Variants in STAM observed in about 807,000 individuals in gnomAD.
STAM encodes the protein signal transducing adapter molecule 1.
In STAM, 16 loss-of-function variants were observed where a neutral mutation model predicts 63.4. The observed-to-expected ratio is 0.25, with a 90% CI of 0.17 to 0.38. The LOEUF (loss-of-function observed/expected upper bound fraction) is 0.38. Ranked by LOEUF, STAM falls within the 10% of genes least tolerant of loss-of-function variation. The pLI is 1.00. For missense variants in STAM, 636 were observed against 657.1 expected (o/e 0.97, Z 0.35); for synonymous variants, 238 against 223.9 (o/e 1.06, Z -0.56).
intron 13 of STAM, among the ~76,000 whole-genome samples, chr10:17,713,351 C>T (rs1554830282): frequency 2.6e-5 from 4 of 152,192 alleles, no homozygotes; most frequent in Admixed American, 2.6e-4. Context: ...TATTTCTCCT[C>T]CGTACTTCCC....
chr10:17,714,117 T>G (rs1836689770), intron 13 of STAM, among the ~76,000 whole-genome samples: 1 of 152,182 alleles, frequency 6.6e-6, no homozygotes, highest in Admixed American at 6.5e-5. Context: ...CATCTTTGCT[T>G]AAGTATTGCC....
chr10:17,652,116 T>C (rs782143946), intron 1 of STAM, among the ~76,000 whole-genome samples: 6 of 152,250 alleles, frequency 3.9e-5, no homozygotes, highest in Non-Finnish European at 7.3e-5. Context: ...TTGAATTCTT[T>C]AGAAGCAAGT....
intron 2 of STAM, among the ~76,000 whole-genome samples, chr10:17,666,614 G>T (rs1200028107): frequency 6.6e-6 from 1 of 151,936 alleles, no homozygotes; most frequent in African/African-American, 2.4e-5. Flanking sequence ...AGCCAGGATG[G>T]TCTCGATATC....
In STAM at chr10:17,644,247, C is replaced by T; in HGVS notation, c.-93C>T. ...CCCTGTAGAGTCGGTCTCTGTTGCT[C>T]TTTTTGCCTGAGGAGTCTTCCATCC... On this transcript the variant is annotated 5_prime_UTR_variant, in exon 1 of 14. Transcript: ENST00000377524. The T allele has an allele frequency of 7.0e-7, 1 of 1,423,366 alleles. No individual in the cohort carries two copies. The highest frequency in any genetic ancestry group is 1.4e-5 in the African/African-American group (1 of 70,946). The allele number at this position is 1,423,366 out of a possible 1,614,324, so 88.2% of individuals were successfully genotyped here.
rs1415889885 is a variant in STAM, at chr10:17,664,564, G to A, written c.125+4016G>A. On this transcript the variant is annotated intron_variant, in intron 2 of 13. Transcript: ENST00000377524. ...TGTGATTGGATATGGGTTGCTGATG[G>A]TCGCATAAGAATGTTGAACAGTATT... Among the ~76,000 whole-genome samples the A allele has an allele frequency of 2.0e-5, 3 of 152,130 alleles. No homozygotes were observed. In the East Asian group the frequency reaches 5.8e-4, roughly 29 times the overall value.
At chr10:17,664,068 T>C (rs1185758714) in intron 2 of STAM, among the ~76,000 whole-genome samples, 3 of 150,072 alleles carry the variant, frequency 2.0e-5, no homozygotes, top group African/African-American at 7.4e-5. Context: ...TTTTTTCTTC[T>C]TGTTTTAAAA....
intron 8 of STAM, 63 bp from the exon 9 acceptor site, chr10:17,700,128 A>G: frequency 7.5e-7 from 1 of 1,337,070 alleles, no homozygotes; most frequent in South Asian, 1.4e-5. Flanking sequence ...TGGAAGTTAA[A>G]GTGCTTTAAA....
At chr10:17,704,191 C>G (rs1223031690) in intron 9 of STAM, among the ~76,000 whole-genome samples, 1 of 152,068 alleles carries the variant, frequency 6.6e-6, no homozygotes, top group African/African-American at 2.4e-5. Flanking sequence ...CTCCTGGGCT[C>G]AAGTGATTCT....
In STAM at chr10:17,710,930, A is replaced by G. The variant is rs1297992551; in HGVS notation, c.1385+1979A>G. Among the ~76,000 whole-genome samples the G allele has an allele frequency of 3.3e-5, 5 of 152,216 alleles. 1 individual carries two copies. Among genetic ancestry groups the G allele is most frequent in the Non-Finnish European group, 5.9e-5 (4 of 68,036 alleles). ...CAATATGTAATATCTGTTTATCAAT[A>G]TATAAAAACAGATGTGTGTTTGTGT... is the stretch of plus-strand genomic sequence containing the variant. On this transcript the variant is annotated intron_variant, in intron 13 of 13. Coordinates refer to ENST00000377524, the MANE Select transcript of STAM (RefSeq NM_003473.4).
chr10:17,705,837 G>A (rs1368825260), intron 12 of STAM, 96 bp downstream of exon 12: 3 of 1,206,544 alleles, frequency 2.5e-6, no homozygotes, highest in South Asian at 1.6e-5. Flanking sequence ...GGAGGCCAAG[G>A]CAAGAGGATT....
intron 6 of STAM, chr10:17,694,796 T>A (rs1554827227): frequency 3.0e-6 from 1 of 336,538 alleles, no homozygotes; most frequent in African/African-American, 2.1e-5. Flanking sequence ...CCCAGAATAA[T>A]TTACATTGTA....
At chr10:17,648,958 A>G (rs1162963818) in intron 1 of STAM, among the ~76,000 whole-genome samples, 2 of 152,084 alleles carry the variant, frequency 1.3e-5, no homozygotes, top group Non-Finnish European at 2.9e-5. Flanking sequence ...GAACGCTCCA[A>G]GCTCATTCCT....
chr10:17,681,672 C>T (rs782258191), intron 2 of STAM, among the ~76,000 whole-genome samples: 12 of 152,082 alleles, frequency 7.9e-5, no homozygotes, highest in Non-Finnish European at 1.5e-4. Context: ...AAAGAGCTCC[C>T]TGTTTATGTT....
At chr10:17,675,682 CTCT>C (rs1401881660) in intron 2 of STAM, among the ~76,000 whole-genome samples, 4 of 152,176 alleles carry the variant, frequency 2.6e-5, no homozygotes, top group African/African-American at 9.6e-5. Flanking sequence ...CAGGGTCAGT[CTCT>C]TCTTGTTCAC....
Position 17,687,809 on chromosome 10 carries a change from T to C in STAM, c.298-218T>C, listed in dbSNP as rs532887308. Among the ~76,000 whole-genome samples, 9 of 152,346 alleles carry C rather than the reference T, an allele frequency of 5.9e-5. No homozygotes were observed. In the South Asian group the frequency reaches 1.9e-3, roughly 32 times the overall value. Reference sequence around the variant, plus strand: ...TCCTTTCAGATCTCCAAAATCTTATTACCTATTTAATGCTTTAATTTGAAG... The same window carrying C: ...TCCTTTCAGATCTCCAAAATCTTATCACCTATTTAATGCTTTAATTTGAAG... On this transcript the variant is annotated intron_variant, in intron 4 of 13. Coordinates refer to ENST00000377524, the MANE Select transcript of STAM (RefSeq NM_003473.4).
rs182059111 is a variant in STAM at position 17,673,119 on chromosome 10, G to A, written c.126-11556G>A. Reference sequence around the variant, plus strand: ...CTTTGGTAGACTCTTCTAAGTGCACGTGCAGATTTTCTCTTACCATGTATT... The same window carrying A: ...CTTTGGTAGACTCTTCTAAGTGCACATGCAGATTTTCTCTTACCATGTATT... On this transcript the variant is annotated intron_variant, in intron 2 of 13. Transcript: ENST00000377524. 2.7e-5 allele frequency: 22 copies of A among 800,254 alleles called. No homozygotes were observed. In the South Asian group the frequency reaches 6.2e-4, roughly 23 times the overall value. The allele number at this position is 800,254 out of a possible 1,614,324, so 49.6% of individuals were successfully genotyped here. A position where few individuals can be genotyped will look rare whatever the true frequency, so the allele number is the denominator to read the frequency against.
chr10:17,705,171 A>G, intron 11 of STAM, 147 bp downstream of exon 11: 1 of 664,996 alleles, frequency 1.5e-6, no homozygotes. Context: ...GATGTGGAGA[A>G]TTAGACTCAT....
intron 1 of STAM, among the ~76,000 whole-genome samples, chr10:17,645,830 T>C (rs1259409108): frequency 1.3e-5 from 2 of 152,222 alleles, no homozygotes; most frequent in African/African-American, 4.8e-5. Context: ...TACATCTCAC[T>C]ACATGAATCT....
intron 8 of STAM, among the ~76,000 whole-genome samples, chr10:17,699,754 T>A (rs554637433): frequency 6.6e-6 from 1 of 152,332 alleles, no homozygotes; most frequent in East Asian, 1.9e-4. Flanking sequence ...AGTGTGGATT[T>A]TCTGTCAAAC....
Sources: gnomAD v4.1 joint callset for allele counts (sites outside exome capture counted in the v4.1 genomes callset) on GRCh38, gnomAD v4.1.1 for gene constraint, MANE v1.5 for transcripts, NCBI Gene and HGNC (gene_info 2026-07-23, HGNC 2026-07-21) for gene names.